The following ENOX1 variants were observed in gnomAD, a reference collection of about 807,000 sequenced individuals.
ENOX1 encodes the protein candidate growth-related and time keeping constitutive hydroquinone (NADH) oxidase.
ENOX1 carries 42 observed loss-of-function variants against 82.5 expected under a neutral mutation model. The ratio of observed to expected loss-of-function variants is 0.51; its 90% CI spans 0.40 to 0.66. ENOX1 has a LOEUF of 0.66. Ranked by LOEUF, ENOX1 falls within the 30% of genes least tolerant of loss-of-function variation. ENOX1 has a pLI of 0.00. For synonymous variants in ENOX1, 271 were observed against 282.2 expected, an observed-to-expected ratio of 0.96 and a Z score of 0.40; for missense variants, 608 against 811.6, an observed-to-expected ratio of 0.75 and a Z score of 3.05.
At chr13:43,534,454 C>T (rs113409890) in intron 2 of ENOX1, among the ~76,000 whole-genome samples, 16 of 152,172 alleles carry the variant, frequency 1.1e-4, no homozygotes, top group African/African-American at 3.9e-4. Context: ...TCTCTCACTC[C>T]TATGAAAAAA....
At position 43,460,793 on chromosome 13, in the gene ENOX1, C is replaced by CAAAAAAAAAAAAAA. The variant is rs1312983530; in HGVS notation, c.-75+23202_-75+23215dup. 3.9e-4 allele frequency among the ~76,000 whole-genome samples: 10 copies of CAAAAAAAAAAAAAA among 25,728 alleles called. 2 individuals are homozygous for CAAAAAAAAAAAAAA. The highest frequency in any genetic ancestry group is 9.6e-4 in the African/African-American group (5 of 5,234). The allele number at this position is 25,728 out of a possible 152,430, so 16.9% of individuals were successfully genotyped here. On this transcript the variant is annotated intron_variant, in intron 3 of 16. Transcript: ENST00000690772. ...CGGGCGACAGAGCGAGACTCCATCTCAAAAAAAAAAAAAAAAAAAAAAAAA... is the reference window on the plus strand; with the variant it reads ...CGGGCGACAGAGCGAGACTCCATCTCAAAAAAAAAAAAAAAAAAAAAAAAAAAAAAAAAAAAAAA...
chr13:43,246,352 G>A (rs540234531), intron 14 of ENOX1, among the ~76,000 whole-genome samples: 1 of 152,306 alleles, frequency 6.6e-6, no homozygotes, highest in South Asian at 2.1e-4. Flanking sequence ...GAGTGCCTGT[G>A]GCGCTCTGTG....
intron 2 of ENOX1, among the ~76,000 whole-genome samples, chr13:43,488,919 A>G (rs573272273): frequency 1.3e-5 from 2 of 152,358 alleles, no homozygotes; most frequent in South Asian, 4.1e-4. Context: ...AGAGCAATTA[A>G]CTAGACTATT....
intron 2 of ENOX1, among the ~76,000 whole-genome samples, chr13:43,549,074 T>C (rs7331076): frequency 0.033 from 5,036 of 152,328 alleles, 275 homozygotes; most frequent in African/African-American, 0.11. Flanking sequence ...TCTGTCCATA[T>C]GTTTGTCTTA....
chr13:43,635,414 A>T (rs2083376394), intron 2 of ENOX1, among the ~76,000 whole-genome samples: 1 of 152,218 alleles, frequency 6.6e-6, no homozygotes, highest in African/African-American at 2.4e-5. Flanking sequence ...GCAAAGCCAC[A>T]ATTGTATTAA....
At chr13:43,778,865 G>A (rs1328483925) in intron 1 of ENOX1, among the ~76,000 whole-genome samples, 2 of 152,154 alleles carry the variant, frequency 1.3e-5, no homozygotes, top group East Asian at 1.9e-4. Flanking sequence ...CGAGGTGGAG[G>A]GCTAACACTC....
chr13:43,431,302 T>C (rs896978482), intron 3 of ENOX1, among the ~76,000 whole-genome samples: 4 of 152,168 alleles, frequency 2.6e-5, no homozygotes, highest in African/African-American at 7.2e-5. Flanking sequence ...TTACTCTTCC[T>C]TGAGCCTAGC....
intron 14 of ENOX1, among the ~76,000 whole-genome samples, chr13:43,253,574 T>C (rs776149244): frequency 1.3e-5 from 2 of 152,188 alleles, no homozygotes; most frequent in Non-Finnish European, 2.9e-5. Context: ...CTTCCTGGTC[T>C]CACGTGTGGT....
At chr13:43,448,853 C>T (rs896662976) in intron 3 of ENOX1, among the ~76,000 whole-genome samples, 4 of 152,192 alleles carry the variant, frequency 2.6e-5, no homozygotes, top group Non-Finnish European at 5.9e-5. Flanking sequence ...TCTAAAAGGA[C>T]GCAACTGAGT....
intron 2 of ENOX1, among the ~76,000 whole-genome samples, chr13:43,504,076 G>A (rs1010635588): frequency 2.6e-5 from 4 of 151,674 alleles, no homozygotes. Context: ...ACAGGTATAT[G>A]AAAACATACT....
Position 43,405,784 on chromosome 13 carries a change from C to A in ENOX1, c.208+6132G>T, listed in dbSNP as rs187310455. Among the ~76,000 whole-genome samples the A allele has an allele frequency of 4.7e-3, 716 of 152,332 alleles. 12 individuals carry two copies. Among genetic ancestry groups the A allele is most frequent in the African/African-American group, 0.016 (672 of 41,578 alleles). On this transcript the variant is annotated intron_variant, in intron 5 of 16. Transcript: ENST00000690772. ...GGGTAACTCCTGTCTGGTTGCCAAC[C>A]TTTCCACACCCCCATCAGTCCTCTA...
chr13:43,776,012 T>C (rs371941764), intron 1 of ENOX1, among the ~76,000 whole-genome samples: 52 of 152,208 alleles, frequency 3.4e-4, no homozygotes, highest in African/African-American at 9.2e-4. Flanking sequence ...TTTTATGATA[T>C]AACCACATAT....
intron 2 of ENOX1, among the ~76,000 whole-genome samples, chr13:43,567,826 C>A (rs983017039): frequency 6.6e-6 from 1 of 152,198 alleles, no homozygotes; most frequent in Non-Finnish European, 1.5e-5. Context: ...ATTTAACAAG[C>A]TAGAAACCCA....
intron 1 of ENOX1, among the ~76,000 whole-genome samples, chr13:43,746,080 T>C (rs1043373361): frequency 1.3e-5 from 2 of 152,140 alleles, no homozygotes; most frequent in African/African-American, 2.4e-5. Context: ...ATGTCTATGA[T>C]ACATGGCTAA....
In ENOX1 at chr13:43,224,125, C is replaced by T. The variant is rs146661228; in HGVS notation, c.1728G>A (p.Thr576=). ...CTCCAAAAGGATGGACGTGAAGAAA[C>T]GTTGATATGATACCTGAATTAAAAA... ...KEALLIGIIS[T]FLHVHPFGAN... is the part of the protein sequence containing the mutation. The change falls in exon 16 of 17, where the codon ACG becomes ACA. Residue 576 remains threonine (T), a synonymous_variant. Transcript: ENST00000690772. The T allele has an allele frequency of 8.7e-5, 141 of 1,613,592 alleles. No homozygotes were observed. The African/African-American group carries it at 1.3e-3, about 15-fold the overall frequency.
chr13:43,443,804 G>A (rs2056486575), intron 3 of ENOX1, among the ~76,000 whole-genome samples: 1 of 152,190 alleles, frequency 6.6e-6, no homozygotes, highest in East Asian at 1.9e-4. Flanking sequence ...CCAGGCGAAG[G>A]AGAGGCATTC....
intron 12 of ENOX1, among the ~76,000 whole-genome samples, chr13:43,274,142 A>T (rs776571825): frequency 4.6e-5 from 7 of 152,256 alleles, no homozygotes; most frequent in Admixed American, 1.3e-4. Context: ...AGTTTCATTT[A>T]AGACATTTTG....
At chr13:43,569,990 C>A (rs569611986) in intron 2 of ENOX1, among the ~76,000 whole-genome samples, 1 of 152,324 alleles carries the variant, frequency 6.6e-6, no homozygotes, top group Non-Finnish European at 1.5e-5. Context: ...AAATTAGTAT[C>A]TGTGAACTGG....
intron 2 of ENOX1, among the ~76,000 whole-genome samples, chr13:43,577,218 G>A (rs1320671886): frequency 1.3e-5 from 2 of 151,804 alleles, no homozygotes; most frequent in Admixed American, 1.3e-4. Flanking sequence ...TGCAACCTCT[G>A]CCTCCTGGGT....
Sources: allele counts gnomAD v4.1 joint callset (sites outside exome capture counted in the v4.1 genomes callset), GRCh38; gene constraint gnomAD v4.1.1; transcripts MANE v1.5; gene names NCBI Gene and HGNC (gene_info 2026-07-23, HGNC 2026-07-21).